Variants in ESR1 observed in about 807,000 individuals in gnomAD.
The protein encoded by ESR1 is estrogen receptor.
Under a neutral mutation model 52.7 loss-of-function variants are expected in ESR1, and 12 were observed. The ratio of observed to expected loss-of-function variants is 0.23; its 90% CI spans 0.15 to 0.37. ESR1 has a LOEUF of 0.37. Among genes scored for constraint, ESR1 ranks in the 10% least tolerant of loss-of-function variants. The pLI is 1.00. For missense variants in ESR1, 584 were observed against 779.7 expected (o/e 0.75, Z 2.99); for synonymous variants, 305 against 316.8 (o/e 0.96, Z 0.39).
At chr6:151,746,950 G>A (rs570873273) in intron 2 of ESR1, among the ~76,000 whole-genome samples, 21 of 152,298 alleles carry the variant, frequency 1.4e-4, no homozygotes, top group Non-Finnish European at 2.8e-4. Context: ...GCAACATGCC[G>A]GAATGACATC....
At chr6:151,706,843 A>G (rs1340445154) in intron 2 of ESR1, among the ~76,000 whole-genome samples, 2 of 152,210 alleles carry the variant, frequency 1.3e-5, no homozygotes, top group African/African-American at 4.8e-5. Flanking sequence ...AAATAAAAAA[A>G]CAGCTTTACT....
intron 5 of ESR1, among the ~76,000 whole-genome samples, chr6:152,045,570 C>A (rs1235529503): frequency 2.0e-5 from 3 of 152,084 alleles, no homozygotes; most frequent in Non-Finnish European, 2.9e-5. Flanking sequence ...TCTCTGTGGG[C>A]CTCAGTTTTT....
chr6:152,000,202 T>C (rs2041839894), intron 4 of ESR1, among the ~76,000 whole-genome samples: 1 of 151,986 alleles, frequency 6.6e-6, no homozygotes, highest in Non-Finnish European at 1.5e-5. Flanking sequence ...ATGAAGAAAT[T>C]GAAACCCAGA....
intron 3 of ESR1, among the ~76,000 whole-genome samples, chr6:151,909,763 A>G (rs1041765729): frequency 9.2e-5 from 14 of 152,136 alleles, no homozygotes; most frequent in African/African-American, 3.4e-4. Context: ...GCAGGTGAGG[A>G]GTGGTAGATG....
At chr6:151,919,023 T>C (rs554646011) in intron 3 of ESR1, among the ~76,000 whole-genome samples, 25 of 152,312 alleles carry the variant, frequency 1.6e-4, no homozygotes, top group Middle Eastern at 6.8e-3. Context: ...CAGTAACTGA[T>C]AGTAGCCAAG....
chr6:151,707,463 A>G (rs1314404487), intron 2 of ESR1, among the ~76,000 whole-genome samples: 3 of 152,034 alleles, frequency 2.0e-5, no homozygotes, highest in Non-Finnish European at 4.4e-5. Flanking sequence ...TGTAGTGTAT[A>G]TATGTATATA....
intron 1 of ESR1, among the ~76,000 whole-genome samples, chr6:151,657,454 A>G (rs1457778245): frequency 6.6e-6 from 1 of 152,186 alleles, no homozygotes; most frequent in Non-Finnish European, 1.5e-5. Flanking sequence ...TTTTCTAAGG[A>G]AAATGAGTCC....
chr6:151,790,139 C>T (rs1013291779), intron 2 of ESR1, among the ~76,000 whole-genome samples: 2 of 152,334 alleles, frequency 1.3e-5, no homozygotes, highest in African/African-American at 4.8e-5. Flanking sequence ...GAATTAGCAA[C>T]ACACTTCCTA....
chr6:152,058,396 T>G (rs1330300795), intron 5 of ESR1, among the ~76,000 whole-genome samples: 1 of 152,166 alleles, frequency 6.6e-6, no homozygotes, highest in Non-Finnish European at 1.5e-5. Flanking sequence ...CAAAGCAAAA[T>G]GCGCATGGCA....
At chr6:152,032,801 A>G (rs1290518201) in intron 5 of ESR1, among the ~76,000 whole-genome samples, 1 of 152,220 alleles carries the variant, frequency 6.6e-6, no homozygotes, top group Non-Finnish European at 1.5e-5. Context: ...TTTAAAGTTC[A>G]TATGGAACCA....
At chr6:152,070,711 T>A (rs1333935379) in intron 6 of ESR1, among the ~76,000 whole-genome samples, 2 of 138,992 alleles carry the variant, frequency 1.4e-5, no homozygotes, top group Non-Finnish European at 3.0e-5. Context: ...CATCTTGCCC[T>A]GCATGGCCTC....
At chr6:151,979,478 A>T (rs9340938) in intron 4 of ESR1, among the ~76,000 whole-genome samples, 4,310 of 152,248 alleles carry the variant, frequency 0.028, 106 homozygotes, top group East Asian at 0.11. Context: ...AAAATAAATG[A>T]TTAGTCTCAT....
At chr6:152,000,448 A>G (rs1397782316) in intron 4 of ESR1, among the ~76,000 whole-genome samples, 3 of 152,070 alleles carry the variant, frequency 2.0e-5, no homozygotes, top group African/African-American at 7.2e-5. Context: ...GAAGGTAGTC[A>G]ACAGATACTT....
At chr6:151,827,585 TATG>T (rs2128206770) in intron 1 of ESR1, among the ~76,000 whole-genome samples, 1 of 152,334 alleles carries the variant, frequency 6.6e-6, no homozygotes, top group East Asian at 1.9e-4. Context: ...CAGCTTCAAC[TATG>T]ATGTTTCATT....
intron 3 of ESR1, among the ~76,000 whole-genome samples, chr6:151,909,197 C>G (rs990084843): frequency 3.3e-5 from 5 of 152,200 alleles, no homozygotes; most frequent in African/African-American, 1.2e-4. Context: ...TGGTTTCTAT[C>G]CCATTACAGG....
At chr6:152,063,127 C>A (rs1471450708) in intron 6 of ESR1, among the ~76,000 whole-genome samples, 1 of 152,136 alleles carries the variant, frequency 6.6e-6, no homozygotes, top group Non-Finnish European at 1.5e-5. Flanking sequence ...CCCCTGTCTG[C>A]CTCCTTCTCA....
upstream of ESR1, chr6:151,805,672 C>T (rs1257864146): frequency 1.3e-5 from 2 of 152,646 alleles, no homozygotes; most frequent in African/African-American, 4.8e-5. Flanking sequence ...ATTCCACGCA[C>T]AAACACATCC....
chr6:151,749,010 T>C (rs2152750), intron 2 of ESR1, among the ~76,000 whole-genome samples: 89,652 of 151,868 alleles, frequency 0.59, 27,212 homozygotes, highest in African/African-American at 0.68. Context: ...ATAAGAAACA[T>C]ACATTGCTTA....
intron 2 of ESR1, among the ~76,000 whole-genome samples, chr6:151,749,798 G>T (rs1156440974): frequency 6.6e-6 from 1 of 152,038 alleles, no homozygotes; most frequent in Non-Finnish European, 1.5e-5. Flanking sequence ...GCTCCGTGGG[G>T]GAAAAAGAAC....
Sources: allele counts gnomAD v4.1 joint callset (sites outside exome capture counted in the v4.1 genomes callset), GRCh38; gene constraint gnomAD v4.1.1; transcripts MANE v1.5; gene names NCBI Gene and HGNC (gene_info 2026-07-23, HGNC 2026-07-21).